Variants in PIK3C2G observed in about 807,000 individuals in gnomAD.
PIK3C2G encodes phosphatidylinositol 3-kinase C2 domain-containing subunit gamma.
In PIK3C2G, 168 loss-of-function variants were observed where a neutral mutation model predicts 181.1. That is an observed-to-expected ratio of 0.93 (90% CI 0.82 to 1.05). The LOEUF (loss-of-function observed/expected upper bound fraction) is 1.05, where lower values mean the gene tolerates loss of function less well. PIK3C2G is among the 50% of genes least tolerant of loss of function. The pLI, the probability that PIK3C2G is intolerant of heterozygous loss-of-function variation, is 0.00. For missense variants in PIK3C2G, 1,869 were observed against 1,732.8 expected (o/e 1.08, Z -1.40); for synonymous variants, 573 against 592.2 (o/e 0.97, Z 0.47).
intron 24 of PIK3C2G, among the ~76,000 whole-genome samples, chr12:18,508,089 G>A (rs1302813045): frequency 6.6e-6 from 1 of 152,140 alleles, no homozygotes; most frequent in Non-Finnish European, 1.5e-5. Flanking sequence ...ATTATTGATA[G>A]GATGAATGAA....
At chr12:18,685,051 G>A in the PIK3C2G span, among the ~76,000 whole-genome samples, 2 of 151,938 alleles carry the variant, frequency 1.3e-5, no homozygotes, top group Non-Finnish European at 2.9e-5. Context: ...TCTTTCCTTT[G>A]TAAGTTATCC....
rs149616351 is a variant in PIK3C2G at position 18,449,545 on chromosome 12, G to A, written c.2504+25506G>A. 7.2e-5 allele frequency among the ~76,000 whole-genome samples: 11 copies of A among 152,182 alleles called. No individual in the cohort carries two copies. In the East Asian group the frequency reaches 1.5e-3, roughly 21 times the overall value. On this transcript the variant is annotated intron_variant, in intron 18 of 32. Transcript: ENST00000538779. ...TCAACTCCCACTTATGAGTGAAGAC[G>A]TGGTATTTGGTCTCCTGTTCCTGAG...
intron 20 of PIK3C2G, among the ~76,000 whole-genome samples, chr12:18,495,773 A>T (rs1449545755): frequency 6.6e-6 from 1 of 152,124 alleles, no homozygotes; most frequent in Non-Finnish European, 1.5e-5. Flanking sequence ...GTTCATTTAA[A>T]CCTCAAACAT....
rs555632685 is a variant in PIK3C2G, at chr12:18,262,539, G to C, written c.-79+962G>C. On this transcript the variant is annotated intron_variant, in intron 1 of 32. Coordinates refer to ENST00000538779, the MANE Select transcript of PIK3C2G (RefSeq NM_001288772.2). ...GCATGTCTATCTGCCATCTGAACCA[G>C]ATAAAAAGCAAGTTTGTGAATTGAG... Among the ~76,000 whole-genome samples the C allele has an allele frequency of 4.8e-5, 7 of 146,512 alleles. No homozygotes were observed. The East Asian group carries it at 1.2e-3, about 26-fold the overall frequency.
At chr12:18,306,678 A>G (rs1591898019) in intron 5 of PIK3C2G, among the ~76,000 whole-genome samples, 1 of 152,198 alleles carries the variant, frequency 6.6e-6, no homozygotes, top group Admixed American at 6.5e-5. Flanking sequence ...TAACTAGCTG[A>G]AAAATACTCT....
chr12:18,719,596 G>T, the PIK3C2G span: 2 of 1,604,842 alleles, frequency 1.2e-6, no homozygotes, highest in Non-Finnish European at 1.7e-6. Flanking sequence ...CATGTATCTT[G>T]TAAAACCTTC....
At chr12:18,356,764 C>T (rs191781367) in intron 11 of PIK3C2G, among the ~76,000 whole-genome samples, 4 of 151,764 alleles carry the variant, frequency 2.6e-5, no homozygotes, top group Non-Finnish European at 5.9e-5. Flanking sequence ...GCTGTCAAGC[C>T]GCCCCTCTGA....
At chr12:18,434,412 A>C (rs954568982) in intron 18 of PIK3C2G, among the ~76,000 whole-genome samples, 1 of 152,216 alleles carries the variant, frequency 6.6e-6, no homozygotes, top group Non-Finnish European at 1.5e-5. Flanking sequence ...ACCTGGACCC[A>C]AATAAGATAG....
intron 16 of PIK3C2G, among the ~76,000 whole-genome samples, chr12:18,400,334 C>A (rs1273729682): frequency 1.3e-5 from 2 of 152,170 alleles, no homozygotes; most frequent in African/African-American, 2.4e-5. Flanking sequence ...ATGCATGGAG[C>A]ACCAGGAAAG....
At chr12:18,431,159 T>C (rs970519284) in intron 18 of PIK3C2G, among the ~76,000 whole-genome samples, 2 of 152,210 alleles carry the variant, frequency 1.3e-5, no homozygotes, top group African/African-American at 4.8e-5. Flanking sequence ...TGAGGTTAAG[T>C]ATTGCTCTCT....
intron 1 of PIK3C2G, among the ~76,000 whole-genome samples, chr12:18,252,797 T>C (rs1005147267): frequency 6.6e-6 from 1 of 152,176 alleles, no homozygotes; most frequent in Non-Finnish European, 1.5e-5. Context: ...CAGAGAATTC[T>C]TTTACAACCT....
chr12:18,521,696 G>T (rs561835451), intron 24 of PIK3C2G, among the ~76,000 whole-genome samples: 48 of 152,324 alleles, frequency 3.2e-4, no homozygotes, highest in African/African-American at 1.1e-3. Context: ...ATCTTAGTTT[G>T]TTAGGTAGCT....
chr12:18,703,988 GAAAGTTTATT>G, the PIK3C2G span, among the ~76,000 whole-genome samples: 2 of 152,136 alleles, frequency 1.3e-5, no homozygotes, highest in Admixed American at 1.3e-4. Context: ...TCATCAAAAA[GAAAGTTTATT>G]TGTAATCTGA....
the PIK3C2G span, among the ~76,000 whole-genome samples, chr12:18,686,151 C>T: frequency 2.4e-4 from 37 of 152,046 alleles, no homozygotes; most frequent in African/African-American, 6.7e-4. Flanking sequence ...CCTACTGCCA[C>T]GGCCTCCTTT....
chr12:18,597,723 C>T (rs961014464), intron 30 of PIK3C2G, among the ~76,000 whole-genome samples: 63 of 151,794 alleles, frequency 4.2e-4, no homozygotes, highest in African/African-American at 1.2e-3. Context: ...TGTTTGCAGA[C>T]GACATGATTG....
Position 18,249,240 on chromosome 12 carries a change from T to A in PIK3C2G, c.-79+1158T>A, listed in dbSNP as rs187908160. On this transcript the variant is annotated intron_variant, in intron 1 of 11. Transcript: ENST00000535651. ...AGAACTGTTAGTGACTAGGATAGCA[T>A]TATGTTTTTGACCTTTCAAAGGTAT... Among the ~76,000 whole-genome samples the A allele has an allele frequency of 1.9e-3, 288 of 152,298 alleles. 1 individual carries two copies. The highest frequency in any genetic ancestry group is 3.4e-3 in the Middle Eastern group (1 of 294).
chr12:18,449,517 T>G (rs917216881), intron 18 of PIK3C2G, among the ~76,000 whole-genome samples: 1 of 152,128 alleles, frequency 6.6e-6, no homozygotes, highest in Non-Finnish European at 1.5e-5. Flanking sequence ...GTGTTCTCAT[T>G]GTTCAACTCC....
intron 29 of PIK3C2G, among the ~76,000 whole-genome samples, chr12:18,583,019 G>C (rs534909048): frequency 6.6e-6 from 1 of 152,192 alleles, no homozygotes; most frequent in South Asian, 2.1e-4. Flanking sequence ...AGAGTCCGGG[G>C]TGACTTTAGG....
Position 18,502,860 on chromosome 12 carries a change from T to C in PIK3C2G, c.3017-421T>C, listed in dbSNP as rs1227887907. ...TTAACCCGAACATTGATTTTTATAATATATGTGCAATGTTTGTTATGGAGA... is the reference window on the plus strand; with the variant it reads ...TTAACCCGAACATTGATTTTTATAACATATGTGCAATGTTTGTTATGGAGA... On this transcript the variant is annotated intron_variant, in intron 22 of 32. Transcript: ENST00000538779. Among the ~76,000 whole-genome samples the C allele has an allele frequency of 2.0e-5, 3 of 152,334 alleles. No homozygotes were observed. The East Asian group carries it at 5.8e-4, about 29-fold the overall frequency.
Sources: gnomAD v4.1 joint callset for allele counts (sites outside exome capture counted in the v4.1 genomes callset) on GRCh38, gnomAD v4.1.1 for gene constraint, MANE v1.5 for transcripts, NCBI Gene and HGNC (gene_info 2026-07-23, HGNC 2026-07-21) for gene names.